BTBD9: variants seen among roughly 807,000 people sequenced by gnomAD.
The protein encoded by BTBD9 is BTB/POZ domain-containing protein 9.
In BTBD9, 49 loss-of-function variants were observed where a neutral mutation model predicts 64.3. The ratio of observed to expected loss-of-function variants is 0.76; its 90% CI spans 0.61 to 0.97. BTBD9 has a LOEUF of 0.97. Among genes scored for constraint, BTBD9 ranks in the 50% least tolerant of loss-of-function variants. BTBD9 has a pLI of 0.00. For missense variants in BTBD9, 598 were observed against 762.1 expected, an observed-to-expected ratio of 0.78 and a Z score of 2.53; for synonymous variants, 260 against 274.7, an observed-to-expected ratio of 0.95 and a Z score of 0.53.
At chr6:38,458,124 A>G (rs1417554632) in intron 6 of BTBD9, among the ~76,000 whole-genome samples, 1 of 152,204 alleles carries the variant, frequency 6.6e-6, no homozygotes, top group Non-Finnish European at 1.5e-5. Context: ...AAAACAGCAG[A>G]TTATTGTTTC....
intron 9 of BTBD9, among the ~76,000 whole-genome samples, chr6:38,250,706 T>A (rs559356910): frequency 3.0e-4 from 46 of 152,068 alleles, no homozygotes; most frequent in African/African-American, 9.6e-4. Flanking sequence ...ATGAGGGAAA[T>A]GTAGTGGGTG....
intron 8 of BTBD9, among the ~76,000 whole-genome samples, chr6:38,277,619 C>T (rs1406947391): frequency 6.6e-6 from 1 of 152,124 alleles, no homozygotes; most frequent in Non-Finnish European, 1.5e-5. Context: ...CAGGCGTGAG[C>T]CACCATGCCC....
At chr6:38,340,920 T>A (rs928754507) in intron 7 of BTBD9, among the ~76,000 whole-genome samples, 5 of 152,162 alleles carry the variant, frequency 3.3e-5, no homozygotes, top group Non-Finnish European at 1.5e-5. Context: ...AATAGTTGAA[T>A]CTGATTAAGG....
intron 6 of BTBD9, among the ~76,000 whole-genome samples, chr6:38,557,419 T>C (rs776371120): frequency 6.6e-6 from 1 of 152,210 alleles, no homozygotes; most frequent in Non-Finnish European, 1.5e-5. Flanking sequence ...CCAGCGGTTA[T>C]GTTCTAGCTG....
intron 9 of BTBD9, among the ~76,000 whole-genome samples, chr6:38,225,080 A>C (rs1353266423): frequency 6.6e-6 from 1 of 152,214 alleles, no homozygotes; most frequent in Non-Finnish European, 1.5e-5. Context: ...GATATGAAAA[A>C]GCATGCTGGC....
chr6:38,482,824 C>T (rs779430596), intron 6 of BTBD9, among the ~76,000 whole-genome samples: 4 of 152,116 alleles, frequency 2.6e-5, no homozygotes, highest in Non-Finnish European at 4.4e-5. Flanking sequence ...ACCACAAAGA[C>T]CCACCAAGGC....
intron 6 of BTBD9, among the ~76,000 whole-genome samples, chr6:38,371,841 T>C (rs1765442446): frequency 6.6e-6 from 1 of 152,138 alleles, no homozygotes; most frequent in Non-Finnish European, 1.5e-5. Flanking sequence ...TAACCTATAA[T>C]TACAATTGGG....
At chr6:38,484,443 A>C (rs1771307475) in intron 6 of BTBD9, among the ~76,000 whole-genome samples, 1 of 152,236 alleles carries the variant, frequency 6.6e-6, no homozygotes. Context: ...CTGAAGAAGA[A>C]TACTGGATAT....
At chr6:38,595,055 G>C (rs887158249) in intron 2 of BTBD9, among the ~76,000 whole-genome samples, 3 of 152,218 alleles carry the variant, frequency 2.0e-5, no homozygotes, top group South Asian at 2.1e-4. Flanking sequence ...GAAAGATCAA[G>C]GGAGATCAAC....
chr6:38,431,233 C>A (rs9349081), intron 6 of BTBD9, among the ~76,000 whole-genome samples: 31,874 of 151,456 alleles, frequency 0.21, 3,901 homozygotes, highest in East Asian at 0.47. Flanking sequence ...AATCCTATTG[C>A]CTCTTCAATA....
At chr6:38,179,927 G>C (rs1761472371) in intron 10 of BTBD9, 5 of 425,572 alleles carry the variant, frequency 1.2e-5, no homozygotes, top group Non-Finnish European at 1.9e-5. Context: ...ACGAGGAGAA[G>C]ATTTCCACAT....
chr6:38,575,599 CTA>C (rs1433747522), intron 6 of BTBD9, among the ~76,000 whole-genome samples: 4 of 152,116 alleles, frequency 2.6e-5, no homozygotes, highest in African/African-American at 9.7e-5. Context: ...CTCAGTTAAT[CTA>C]CAGAGACATA....
chr6:38,172,278 T>C lies in BTBD9; in HGVS notation c.*2707A>G, dbSNP rs1307926235. 1.3e-5 allele frequency: 2 copies of C among 152,312 alleles called. No homozygotes were observed. Among genetic ancestry groups the C allele is most frequent in the Non-Finnish European group, 2.9e-5 (2 of 68,140 alleles). The allele number at this position is 152,312 out of a possible 1,614,324, so 9.4% of individuals were successfully genotyped here. On this transcript the variant is annotated 3_prime_UTR_variant, in exon 11 of 11. Transcript: ENST00000481247. ...ATCAGCACTTGCTTTTAGCTTCAAG[T>C]GTTTAGGTCGCTTTGGTCCTGGTGG...
At chr6:38,536,584 C>T (rs1054079507) in intron 6 of BTBD9, among the ~76,000 whole-genome samples, 2 of 152,066 alleles carry the variant, frequency 1.3e-5, no homozygotes, top group Non-Finnish European at 2.9e-5. Context: ...CCTAAGTGTC[C>T]ATCAACTGAC....
intron 9 of BTBD9, among the ~76,000 whole-genome samples, chr6:38,230,183 C>CTTGTTTAA (rs1184624495): frequency 6.6e-6 from 1 of 152,072 alleles, no homozygotes; most frequent in Non-Finnish European, 1.5e-5. Flanking sequence ...ACACAGCAAC[C>CTTGTTTAA]AGAATGAACT....
chr6:38,210,550 G>GTT (rs1561877248), intron 9 of BTBD9, among the ~76,000 whole-genome samples: 4 of 132,214 alleles, frequency 3.0e-5, no homozygotes, highest in Non-Finnish European at 6.8e-5. Flanking sequence ...GTGTGTGTGT[G>GTT]TGTGTGTGTG....
intron 1 of BTBD9, among the ~76,000 whole-genome samples, chr6:38,627,324 C>G (rs34527423): frequency 0.032 from 4,879 of 152,200 alleles, 149 homozygotes; most frequent in African/African-American, 0.077. Context: ...TTAAGAAATC[C>G]ATGACATGGT....
At chr6:38,580,538 G>T in intron 4 of BTBD9, 101 bp from the exon 5 acceptor site, 1 of 979,814 alleles carries the variant, frequency 1.0e-6, no homozygotes, top group Non-Finnish European at 1.5e-6. Flanking sequence ...TCTAGTATCT[G>T]CATTTAAGAA....
intron 1 of BTBD9, among the ~76,000 whole-genome samples, chr6:38,632,653 TG>T (rs1318624164): frequency 1.3e-5 from 2 of 152,192 alleles, no homozygotes; most frequent in Non-Finnish European, 2.9e-5. Flanking sequence ...GAAGTGGGGC[TG>T]GGTGCAGTGA....
Sources: allele counts gnomAD v4.1 joint callset (sites outside exome capture counted in the v4.1 genomes callset), GRCh38; gene constraint gnomAD v4.1.1; transcripts MANE v1.5; gene names NCBI Gene and HGNC (gene_info 2026-07-23, HGNC 2026-07-21).